The following GNAS variants were observed in gnomAD, a reference collection of about 807,000 sequenced individuals.
GNAS encodes the protein GNAS complex locus, also known as protein ALEX.
A neutral mutation model predicts 54.5 loss-of-function variants in GNAS; 8 were observed. The ratio of observed to expected loss-of-function variants is 0.15; its 90% CI spans 0.09 to 0.26. GNAS has a LOEUF of 0.26. Ranked by LOEUF, GNAS falls within the 10% of genes least tolerant of loss-of-function variation. The pLI is 1.00. For missense variants in GNAS, 170 were observed against 529.8 expected, an observed-to-expected ratio of 0.32 and a Z score of 6.67; for synonymous variants, 204 against 191.4, an observed-to-expected ratio of 1.07 and a Z score of -0.54.
intron 3 of GNAS, 66 bp from the exon 4 acceptor site, chr20:58,903,465 A>G (rs2146175479): frequency 7.7e-7 from 1 of 1,291,716 alleles, no homozygotes; most frequent in Non-Finnish European, 1.1e-6. Context: ...GGATGTCTTT[A>G]TGAAAGCAGT....
chr20:58,860,297 C>CT (rs559476652), intron 1 of GNAS, among the ~76,000 whole-genome samples: 204 of 137,912 alleles, frequency 1.5e-3, no homozygotes, highest in East Asian at 4.9e-3. Context: ...TACTGTTTTC[C>CT]TTTTTTTTTT....
chr20:58,888,421 A>C (rs543223414), upstream of GNAS: 2 of 152,404 alleles, frequency 1.3e-5, no homozygotes, highest in African/African-American at 4.8e-5. Context: ...CAACTGCTTG[A>C]AAATTTAGTA....
chr20:58,904,739 A>G (rs996996856), intron 5 of GNAS, among the ~76,000 whole-genome samples: 45 of 152,354 alleles, frequency 3.0e-4, no homozygotes, highest in Non-Finnish European at 4.3e-4. Flanking sequence ...GGATAGCTAA[A>G]CTTTTTAAAT....
intron 3 of GNAS, chr20:58,899,326 G>A: frequency 2.0e-6 from 1 of 494,620 alleles, no homozygotes. Flanking sequence ...CCAGCTGCTT[G>A]TTTTAAAACT....
intron 1 of GNAS, among the ~76,000 whole-genome samples, chr20:58,858,101 T>C (rs1220332333): frequency 6.6e-6 from 1 of 152,180 alleles, no homozygotes; most frequent in Non-Finnish European, 1.5e-5. Context: ...GAATTATTGA[T>C]GGGGGACAGG....
At position 58,853,884 on chromosome 20, in the gene GNAS, C is replaced by T. The variant is rs1358515449; in HGVS notation, c.43+12998C>T. Reference sequence around the variant, plus strand: ...TCCCGAGGAGCCCCAAGCCCTCAGGCCTGCAAAGGCTGGCTCCAGAGGAGG... The same window carrying T: ...TCCCGAGGAGCCCCAAGCCCTCAGGTCTGCAAAGGCTGGCTCCAGAGGAGG... On this transcript the variant is annotated intron_variant, in intron 1 of 12. Transcript: ENST00000306090. This position sits in a 1 kb window ranked among gnomAD's most constrained non-coding sequence, Gnocchi z 4.4. 1 of 1,598,634 alleles carries T rather than the reference C, an allele frequency of 6.3e-7. No homozygotes were observed. Among genetic ancestry groups the T allele is most frequent in the Non-Finnish European group, 8.5e-7 (1 of 1,173,146 alleles).
intron 1 of GNAS, among the ~76,000 whole-genome samples, chr20:58,849,782 G>T (rs2086082941): frequency 6.6e-6 from 1 of 152,182 alleles, no homozygotes; most frequent in Non-Finnish European, 1.5e-5. Context: ...CCTTCACCGT[G>T]CTAGGTCTCT....
intron 1 of GNAS, chr20:58,850,981 C>T (rs2086145256): frequency 7.5e-6 from 3 of 398,492 alleles, no homozygotes; most frequent in East Asian, 3.6e-5. Context: ...TGGCATGACC[C>T]CTGCCCAATG....
At chr20:58,891,097 C>A (rs1280563940), upstream of GNAS, among the ~76,000 whole-genome samples, 1 of 149,700 alleles carries the variant, frequency 6.7e-6, no homozygotes, top group Non-Finnish European at 1.5e-5. Context: ...CCTCTCCCCC[C>A]TCGGCTCAGC....
chr20:58,890,973 C>G (rs1049364929), upstream of GNAS, among the ~76,000 whole-genome samples: 1 of 151,542 alleles, frequency 6.6e-6, no homozygotes, highest in Non-Finnish European at 1.5e-5. Context: ...CCCACCCCAG[C>G]CCCTCGGCGG....
At chr20:58,865,483 A>G (rs1240471422) in intron 1 of GNAS, among the ~76,000 whole-genome samples, 1 of 148,038 alleles carries the variant, frequency 6.8e-6, no homozygotes, top group East Asian at 1.9e-4. Context: ...CAAAATATAT[A>G]TAATATGATA....
In GNAS at chr20:58,910,776, G is replaced by A. The variant is rs2146306389; in HGVS notation, c.1132G>A (p.Asp378Asn). Residue 378 changes from aspartate to asparagine, a missense_variant, in exon 13 of 13, where the codon GAC becomes AAC. Around this residue, in one of 3 missense-constraint regions of GNAS, gnomAD observed 36 missense variants for 223.0 expected, o/e 0.16. Transcript: ENST00000371085. This position sits in a 1 kb window ranked among gnomAD's most constrained non-coding sequence, Gnocchi z 5.8. ...TGAGAACATCCGCCGTGTGTTCAAC[G>A]ACTGCCGTGACATCATTCAGCGCAT... ...DTENIRRVFNDCRDIIQRMHL... is the reference protein window; with the variant it reads ...DTENIRRVFNNCRDIIQRMHL... 1 of 1,614,154 alleles carries A rather than the reference G, an allele frequency of 6.2e-7. No individual in the cohort carries two copies. The highest frequency in any genetic ancestry group is 1.1e-5 in the South Asian group (1 of 91,082).
chr20:58,868,684 T>C (rs1322960875), intron 1 of GNAS, among the ~76,000 whole-genome samples: 1 of 151,958 alleles, frequency 6.6e-6, no homozygotes, highest in Non-Finnish European at 1.5e-5. Context: ...TCCTAAGGAG[T>C]TCTCGAATTT....
chr20:58,871,118 C>T (rs2087414751), intron 1 of GNAS, among the ~76,000 whole-genome samples: 1 of 152,202 alleles, frequency 6.6e-6, no homozygotes, highest in Non-Finnish European at 1.5e-5. Flanking sequence ...CTTGTTCAGT[C>T]CTTTCGCTAG....
intron 3 of GNAS, chr20:58,900,080 G>A (rs1851056829): frequency 6.7e-6 from 4 of 593,012 alleles, no homozygotes; most frequent in Non-Finnish European, 6.2e-6. Flanking sequence ...GAGGGGGGAG[G>A]GGGGATGGGG....
chr20:58,876,204 C>A (rs538136979), intron 1 of GNAS, among the ~76,000 whole-genome samples: 11 of 152,098 alleles, frequency 7.2e-5, no homozygotes, highest in Non-Finnish European at 1.6e-4. Flanking sequence ...TTAAAAGGGG[C>A]CTTTCTGAGA....
chr20:58,850,941 C>T (rs2086142164), intron 1 of GNAS: 1 of 398,700 alleles, frequency 2.5e-6, no homozygotes, highest in East Asian at 3.6e-5. Context: ...CGGTCTGACG[C>T]CCCCTGCTCA....
In GNAS at chr20:58,910,132, C is replaced by CA; in HGVS notation, c.970+54dup. The CA allele has an allele frequency of 6.3e-7, 1 of 1,594,594 alleles. No homozygotes were observed. Among genetic ancestry groups the CA allele is most frequent in the Non-Finnish European group, 8.6e-7 (1 of 1,162,558 alleles). The stretch of plus-strand genomic sequence containing the variant: ...GCTGTTCATTGCGGTGGTTCTTTTT[C>CA]AAACGGTCAGGCTGAAAACCCCCAT... On this transcript the variant is annotated intron_variant, in intron 11 of 12. Transcript: ENST00000371085. The surrounding 1 kb of genome is among the most constrained non-coding windows in gnomAD (Gnocchi z 5.8).
chr20:58,872,925 A>G (rs2087563411), intron 1 of GNAS, among the ~76,000 whole-genome samples: 1 of 152,148 alleles, frequency 6.6e-6, no homozygotes, highest in South Asian at 2.1e-4. Flanking sequence ...TTGTGGTTGG[A>G]CCCCATTCTC....
Sources: allele counts gnomAD v4.1 joint callset (sites outside exome capture counted in the v4.1 genomes callset), GRCh38; gene constraint gnomAD v4.1.1; regional missense constraint gnomAD v4.1.1; non-coding constraint Gnocchi (gnomAD v3.1); transcripts MANE v1.5; gene names NCBI Gene and HGNC (gene_info 2026-07-23, HGNC 2026-07-21).